Variants in CNOT1 observed in about 807,000 individuals in gnomAD.
CNOT1 encodes CCR4-associated factor 1.
CNOT1 carries 15 observed loss-of-function variants against 273.8 expected under a neutral mutation model. That is an observed-to-expected ratio of 0.05 (90% CI 0.04 to 0.08). CNOT1 has a LOEUF of 0.08. Ranked by LOEUF, CNOT1 falls within the 10% of genes least tolerant of loss-of-function variation. The probability of loss-of-function intolerance (pLI) is 1.00; values close to 1 mark genes in which losing one functional copy is unlikely to be tolerated. For missense variants in CNOT1, 1,644 were observed against 2,912.2 expected, an observed-to-expected ratio of 0.56 and a Z score of 10.02; for synonymous variants, 1,022 against 1,005.5, an observed-to-expected ratio of 1.02 and a Z score of -0.31.
intron 18 of CNOT1, among the ~76,000 whole-genome samples, chr16:58,558,019 A>G (rs1022528462): frequency 6.6e-6 from 1 of 152,116 alleles, no homozygotes; most frequent in African/African-American, 2.4e-5. Context: ...ACAAACGAAA[A>G]AAAACCTTAA....
At chr16:58,560,920 G>C (rs944992669) in intron 16 of CNOT1, among the ~76,000 whole-genome samples, 1 of 152,186 alleles carries the variant, frequency 6.6e-6, no homozygotes, top group African/African-American at 2.4e-5. Flanking sequence ...AGCTACTCGG[G>C]AGGCTGAGGC....
chr16:58,597,306 T>C (rs563640689), intron 2 of CNOT1, among the ~76,000 whole-genome samples: 35 of 151,996 alleles, frequency 2.3e-4, no homozygotes, highest in African/African-American at 8.2e-4. Flanking sequence ...ACACTCCATC[T>C]GTACTAAAAA....
At chr16:58,575,505 A>G (rs537784612) in intron 14 of CNOT1, among the ~76,000 whole-genome samples, 1 of 152,320 alleles carries the variant, frequency 6.6e-6, no homozygotes, top group Non-Finnish European at 1.5e-5. Context: ...GTGATTAATA[A>G]TATAGAGTCT....
rs1407240466 is a variant in CNOT1, at chr16:58,614,503, T to C, written c.-174-14992A>G. Among the ~76,000 whole-genome samples, 2 of 125,052 alleles carry C rather than the reference T, an allele frequency of 1.6e-5. 1 individual carries two copies. The highest frequency in any genetic ancestry group is 3.8e-5 in the Non-Finnish European group (2 of 52,530). The allele number at this position is 125,052 out of a possible 152,430, so 82.0% of individuals were successfully genotyped here. A position where few individuals can be genotyped will look rare whatever the true frequency, so the allele number is the denominator to read the frequency against. On this transcript the variant is annotated intron_variant, in intron 1 of 48. Coordinates refer to ENST00000317147, the MANE Select transcript of CNOT1 (RefSeq NM_016284.5). ...CCCCACCAATAATAACAATAGGCACTGAGTTTCTAGCAAAAGCTTCCCTGC... is the reference window on the plus strand; with the variant it reads ...CCCCACCAATAATAACAATAGGCACCGAGTTTCTAGCAAAAGCTTCCCTGC...
intron 1 of CNOT1, among the ~76,000 whole-genome samples, chr16:58,611,351 C>T (rs2042891724): frequency 6.6e-6 from 1 of 151,940 alleles, no homozygotes; most frequent in African/African-American, 2.4e-5. Flanking sequence ...ATTGCTTGAT[C>T]CCGGGAAGCA....
intron 6 of CNOT1, 56 bp from the exon 7 acceptor site, chr16:58,586,804 A>C: frequency 1.3e-6 from 2 of 1,562,142 alleles, no homozygotes; most frequent in Non-Finnish European, 1.7e-6. Flanking sequence ...AATGGGTTAA[A>C]AAGTCATATA....
At chr16:58,594,479 T>C (rs1161951438) in intron 2 of CNOT1, among the ~76,000 whole-genome samples, 2 of 151,984 alleles carry the variant, frequency 1.3e-5, no homozygotes, top group East Asian at 1.9e-4. Flanking sequence ...ACTTTGTGAA[T>C]CTGAAAAACT....
At chr16:58,523,728 C>T (rs1055737406) in intron 46 of CNOT1, 5 of 396,382 alleles carry the variant, frequency 1.3e-5, no homozygotes, top group Non-Finnish European at 2.3e-5. Flanking sequence ...AAAAACAGAC[C>T]CACTATGTGC....
intron 33 of CNOT1, 102 bp from the exon 34 acceptor site, chr16:58,541,722 A>G: frequency 8.8e-7 from 1 of 1,131,030 alleles, no homozygotes; most frequent in Non-Finnish European, 1.3e-6. Context: ...GGGACACAAG[A>G]GTCATTACAA....
Position 58,543,831 on chromosome 16 carries a change from G to A in CNOT1, c.4210C>T (p.Leu1404=), listed in dbSNP as rs751266080. 3 of 1,613,966 alleles carry A rather than the reference G, an allele frequency of 1.9e-6. No individual in the cohort carries two copies. Among genetic ancestry groups the A allele is most frequent in the Non-Finnish European group, 2.5e-6 (3 of 1,180,036 alleles). ...RQAIERAVQE[L]VHPVVDRSIK... ...GATCGATCCACCACAGGATGGACCA[G>A]CTCCTGGACAGCCCGTTCAATTGCC... The change falls in exon 31 of 49, where the codon CTG becomes TTG. Residue 1404 remains leucine, a synonymous_variant. Transcript: ENST00000317147.
intron 42 of CNOT1, chr16:58,530,557 T>C (rs1332741652): frequency 5.6e-6 from 2 of 360,184 alleles, no homozygotes; most frequent in Non-Finnish European, 1.0e-5. Context: ...CCAAGGCCAG[T>C]GGATCACTTG....
At chr16:58,582,120 A>C in intron 10 of CNOT1, among the ~76,000 whole-genome samples, 1 of 140,192 alleles carries the variant, frequency 7.1e-6, no homozygotes, top group African/African-American at 2.6e-5. Context: ...TCTACTAAAA[A>C]TACAAAAAAA....
At chr16:58,577,784 G>A (rs2041510411) in intron 13 of CNOT1, among the ~76,000 whole-genome samples, 1 of 150,730 alleles carries the variant, frequency 6.6e-6, no homozygotes, top group African/African-American at 2.4e-5. Context: ...AGGCTGCAGT[G>A]AGACATGTTT....
intron 1 of CNOT1, among the ~76,000 whole-genome samples, chr16:58,618,205 G>C (rs1039593570): frequency 6.6e-6 from 1 of 152,006 alleles, no homozygotes; most frequent in African/African-American, 2.4e-5. Context: ...AGGAGGGTGA[G>C]GTGGGAAGAC....
At chr16:58,539,222 A>G (rs2040002051) in intron 35 of CNOT1, among the ~76,000 whole-genome samples, 1 of 152,124 alleles carries the variant, frequency 6.6e-6, no homozygotes, top group Non-Finnish European at 1.5e-5. Flanking sequence ...AGCTGGGCTC[A>G]GTGGCTCATG....
chr16:58,550,053 A>G (rs915504544), intron 24 of CNOT1, among the ~76,000 whole-genome samples, 155 bp from the exon 25 acceptor site: 2 of 152,260 alleles, frequency 1.3e-5, no homozygotes, highest in African/African-American at 4.8e-5. Context: ...TGCTATGAAG[A>G]AAAGTATGCT....
Position 58,599,524 on chromosome 16 carries a change from A to G in CNOT1, c.-174-13T>C. The G allele has an allele frequency of 1.6e-6, 1 of 615,326 alleles. No individual in the cohort carries two copies. The highest frequency in any genetic ancestry group is 2.6e-6 in the Non-Finnish European group (1 of 378,368). The allele number at this position is 615,326 out of a possible 1,614,324, so 38.1% of individuals were successfully genotyped here. A position where few individuals can be genotyped will look rare whatever the true frequency, so the allele number is the denominator to read the frequency against. ...TGAAACATGGCACCTGTTTAAAAAA[A>G]CACACACACACAAATCCAGATTTTT... On this transcript the variant is annotated splice_polypyrimidine_tract_variant and intron_variant, in intron 1 of 48. Coordinates refer to ENST00000317147, the MANE Select transcript of CNOT1 (RefSeq NM_016284.5).
At position 58,586,591 on chromosome 16, in the gene CNOT1, T is replaced by C; in HGVS notation, c.591A>G (p.Gly197=). 1.2e-6 allele frequency: 2 copies of C among 1,612,210 alleles called. No individual in the cohort carries two copies. Among genetic ancestry groups the C allele is most frequent in the Non-Finnish European group, 1.7e-6 (2 of 1,179,594 alleles). ...HLLFGQKGAF[G]VGQEQIDAFL... ...AAGCGTCTATCTGTTCTTGTCCAAC[T>C]CCAAAGGCTCCCTTCTGCCCAAAGA... The change falls in exon 7 of 49, where the codon GGA becomes GGG. Residue 197 remains glycine, a synonymous_variant. Coordinates refer to ENST00000317147, the MANE Select transcript of CNOT1 (RefSeq NM_016284.5).
intron 46 of CNOT1, 189 bp from the exon 47 acceptor site, chr16:58,523,691 A>G: frequency 2.1e-6 from 1 of 467,188 alleles, no homozygotes. Context: ...CCACATTAGA[A>G]ATTAGATTTT....
Sources: gnomAD v4.1 joint callset for allele counts (sites outside exome capture counted in the v4.1 genomes callset) on GRCh38, gnomAD v4.1.1 for gene constraint, MANE v1.5 for transcripts, NCBI Gene and HGNC (gene_info 2026-07-23, HGNC 2026-07-21) for gene names.